ZFPM1: variants seen among roughly 807,000 people sequenced by gnomAD.
The protein encoded by ZFPM1 is zinc finger protein, FOG family member 1.
ZFPM1 carries 28 observed loss-of-function variants against 46.3 expected under a neutral mutation model. The observed-to-expected ratio is 0.60, with a 90% CI of 0.45 to 0.83. The LOEUF (loss-of-function observed/expected upper bound fraction) is 0.83. Among genes scored for constraint, ZFPM1 ranks in the 40% least tolerant of loss-of-function variants. The probability of loss-of-function intolerance (pLI) is 0.00; values close to 1 mark genes in which losing one functional copy is unlikely to be tolerated. For synonymous variants in ZFPM1, 957 were observed against 675.9 expected, an observed-to-expected ratio of 1.42 and a Z score of -6.45; for missense variants, 1,878 against 1,432.4, an observed-to-expected ratio of 1.31 and a Z score of -5.02.
chr16:88,518,098 G>A (rs1327915554), intron 4 of ZFPM1, among the ~76,000 whole-genome samples: 1 of 152,146 alleles, frequency 6.6e-6, no homozygotes, highest in Non-Finnish European at 1.5e-5. Context: ...CCAGCTACTC[G>A]GGAGGCTGAG....
chr16:88,488,919 C>T (rs1317122519), intron 2 of ZFPM1, 112 bp from the exon 3 acceptor site: 7 of 1,479,026 alleles, frequency 4.7e-6, no homozygotes, highest in South Asian at 1.4e-5. Flanking sequence ...TGGCTCTGGG[C>T]CCGAGCTCCC....
Position 88,534,434 on chromosome 16 carries a change from T to C in ZFPM1, c.2476T>C (p.Phe826Leu). 2.7e-6 allele frequency: 4 copies of C among 1,495,808 alleles called. No individual in the cohort carries two copies. The highest frequency in any genetic ancestry group is 3.5e-6 in the Non-Finnish European group (4 of 1,130,142). The allele number at this position is 1,495,808 out of a possible 1,614,324, so 92.7% of individuals were successfully genotyped here. Residue 826 changes from phenylalanine to leucine, a missense_variant, in exon 10 of 10, where the codon TTC becomes CTC. Transcript: ENST00000319555. ...YHECTACRVSFHSLEAYLAHK... is the reference protein window; with the variant it reads ...YHECTACRVSLHSLEAYLAHK... ...CGAGTGCACGGCCTGCCGCGTGAGCTTCCACAGCCTCGAGGCCTACCTGGC... is the reference window on the plus strand; with the variant it reads ...CGAGTGCACGGCCTGCCGCGTGAGCCTCCACAGCCTCGAGGCCTACCTGGC...
upstream of ZFPM1, among the ~76,000 whole-genome samples, chr16:88,451,889 A>G (rs923198705): frequency 6.7e-6 from 1 of 149,950 alleles, no homozygotes; most frequent in Non-Finnish European, 1.5e-5. Flanking sequence ...CCAGTGTTGT[A>G]CCCCTGCCTC....
In ZFPM1 at chr16:88,535,468, A is replaced by AG. The variant is rs1913207898; in HGVS notation, c.*493dup. 6.6e-6 allele frequency: 1 copy of AG among 152,558 alleles called. No homozygotes were observed. Among genetic ancestry groups the AG allele is most frequent in the Non-Finnish European group, 1.5e-5 (1 of 68,320 alleles). The allele number at this position is 152,558 out of a possible 1,614,324, so 9.5% of individuals were successfully genotyped here. A position where few individuals can be genotyped will look rare whatever the true frequency, so the allele number is the denominator to read the frequency against. ...TACTTGGCCGCCAGACACGGAAGAGAGGGGCACTGACCTGGCTGGCCATCC... is the reference window on the plus strand; with the variant it reads ...TACTTGGCCGCCAGACACGGAAGAGAGGGGGCACTGACCTGGCTGGCCATCC... On this transcript the variant is annotated 3_prime_UTR_variant, in exon 10 of 10. Coordinates refer to ENST00000319555, the MANE Select transcript of ZFPM1 (RefSeq NM_153813.3).
Position 88,497,967 on chromosome 16 carries a change from C to G in ZFPM1, c.268+8814C>G, listed in dbSNP as rs1250472906. Among the ~76,000 whole-genome samples, 1 of 152,174 alleles carries G rather than the reference C, an allele frequency of 6.6e-6. No individual in the cohort carries two copies. The highest frequency in any genetic ancestry group is 1.9e-4 in the East Asian group (1 of 5,198). On this transcript the variant is annotated intron_variant, in intron 3 of 9. Transcript: ENST00000319555. The surrounding 1 kb of genome is among the most constrained non-coding windows in gnomAD (Gnocchi z 5.4). ...GAGATGGGCCGATAGGCGACTGGCTCCCTCCCCACCCGGTGTGCGTGGGTG... is the reference window on the plus strand; with the variant it reads ...GAGATGGGCCGATAGGCGACTGGCTGCCTCCCCACCCGGTGTGCGTGGGTG...
upstream of ZFPM1, among the ~76,000 whole-genome samples, chr16:88,451,795 C>T (rs1246571216): frequency 2.0e-5 from 3 of 152,164 alleles, no homozygotes; most frequent in Non-Finnish European, 4.4e-5. Context: ...GGCTGGAGGA[C>T]CCGTATGCCC....
At chr16:88,519,110 G>GTGGATGGA (rs543049777) in intron 4 of ZFPM1, among the ~76,000 whole-genome samples, 1 of 128,212 alleles carries the variant, frequency 7.8e-6, no homozygotes, top group African/African-American at 3.0e-5. Context: ...GGGTGGATGG[G>GTGGATGGA]TGGATGGATG....
At chr16:88,492,349 C>G (rs1360603931) in intron 3 of ZFPM1, among the ~76,000 whole-genome samples, 1 of 152,212 alleles carries the variant, frequency 6.6e-6, no homozygotes, top group Non-Finnish European at 1.5e-5. Flanking sequence ...CTGAACCTGC[C>G]CCAGCCCCTC....
chr16:88,520,586 ATGGGAGGGTGAGTGGG>A (rs139360317), intron 4 of ZFPM1, among the ~76,000 whole-genome samples: 19 of 90,102 alleles, frequency 2.1e-4, no homozygotes, highest in East Asian at 1.0e-3. Flanking sequence ...GGATGGATGG[ATGGGAGGGTGAGTGGG>A]TGGATGGATG....
At chr16:88,524,369 GCCC>G (rs1298435007) in intron 4 of ZFPM1, among the ~76,000 whole-genome samples, 2 of 152,294 alleles carry the variant, frequency 1.3e-5, no homozygotes, top group Non-Finnish European at 2.9e-5. Context: ...CCCAGCAGAA[GCCC>G]CCATCGGAGC....
intron 1 of ZFPM1, among the ~76,000 whole-genome samples, chr16:88,476,901 C>T (rs918223472): frequency 2.0e-5 from 3 of 152,228 alleles, no homozygotes; most frequent in Admixed American, 1.3e-4. Context: ...ACTTCTGGCC[C>T]GGGACCGCTT....
At chr16:88,521,139 T>G (rs1911852522) in intron 4 of ZFPM1, among the ~76,000 whole-genome samples, 1 of 151,924 alleles carries the variant, frequency 6.6e-6, no homozygotes, top group Non-Finnish European at 1.5e-5. Flanking sequence ...GATGGATGGA[T>G]GAATATATGG....
At chr16:88,456,254 C>CGTAGATGGTGCGAGACCTCTAGAGA (rs1907555347) in intron 1 of ZFPM1, among the ~76,000 whole-genome samples, 1 of 152,228 alleles carries the variant, frequency 6.6e-6, no homozygotes, top group East Asian at 1.9e-4. Flanking sequence ...CACCCCGCCC[C>CGTAGATGGTGCGAGACCTCTAGAGA]GAGTCCTCGT....
At chr16:88,522,763 G>T (rs1204107421) in intron 4 of ZFPM1, among the ~76,000 whole-genome samples, 1 of 152,198 alleles carries the variant, frequency 6.6e-6, no homozygotes, top group Non-Finnish European at 1.5e-5. Flanking sequence ...GGCAAACAGG[G>T]TGGGCTCTAG....
At position 88,533,837 on chromosome 16, in the gene ZFPM1, G is replaced by C; in HGVS notation, c.1879G>C (p.Gly627Arg). 2 of 988,682 alleles carry C rather than the reference G, an allele frequency of 2.0e-6. No individual in the cohort carries two copies. Among genetic ancestry groups the C allele is most frequent in the Non-Finnish European group, 2.4e-6 (2 of 832,188 alleles). The allele number at this position is 988,682 out of a possible 1,614,324, so 61.2% of individuals were successfully genotyped here. The part of the protein sequence containing the change: ...APPGPARAPP[G>R]QPAEPDAPRS... ...CCCCGGCCCGGCCCGCGCGCCCCCC[G>C]GCCAGCCCGCCGAACCCGACGCGCC... The change falls in exon 10 of 10, where the codon GGC becomes CGC. Residue 627 changes from glycine to arginine, a missense_variant. Gly to Arg is a moderately radical substitution (Grantham distance 125). Transcript: ENST00000319555.
chr16:88,465,483 C>T (rs1467219913), intron 1 of ZFPM1, among the ~76,000 whole-genome samples: 4 of 152,236 alleles, frequency 2.6e-5, no homozygotes, highest in Non-Finnish European at 4.4e-5. Flanking sequence ...AGTGGGAGCA[C>T]GGGGCCCTCC....
intron 6 of ZFPM1, among the ~76,000 whole-genome samples, chr16:88,531,597 G>A (rs531538331): frequency 4.6e-5 from 7 of 152,128 alleles, no homozygotes; most frequent in Admixed American, 1.3e-4. Flanking sequence ...GCACCTGCAC[G>A]CACATCTGTA....
intron 4 of ZFPM1, among the ~76,000 whole-genome samples, chr16:88,520,751 G>A (rs1299595922): frequency 8.1e-5 from 11 of 136,034 alleles, no homozygotes; most frequent in Non-Finnish European, 1.6e-4. Context: ...ATGGATGGGA[G>A]GGTGGGTGGA....
intron 1 of ZFPM1, among the ~76,000 whole-genome samples, chr16:88,479,133 G>T (rs1417611561): frequency 6.6e-6 from 1 of 152,208 alleles, no homozygotes; most frequent in African/African-American, 2.4e-5. Context: ...TGCGCGTGAG[G>T]TACTGGCCAC....
Sources: allele counts gnomAD v4.1 joint callset (sites outside exome capture counted in the v4.1 genomes callset), GRCh38; gene constraint gnomAD v4.1.1; non-coding constraint Gnocchi (gnomAD v3.1); transcripts MANE v1.5; gene names NCBI Gene and HGNC (gene_info 2026-07-23, HGNC 2026-07-21).